ELOVL6: variants seen among roughly 807,000 people sequenced by gnomAD.
The protein encoded by ELOVL6 is ELOVL fatty acid elongase 6, also known as very long chain fatty acid elongase 6.
A neutral mutation model predicts 31.7 loss-of-function variants in ELOVL6; 8 were observed. The observed-to-expected ratio is 0.25, with a 90% CI of 0.15 to 0.45. The LOEUF is 0.45. Among genes scored for constraint, ELOVL6 ranks in the 20% least tolerant of loss-of-function variants. ELOVL6 has a pLI of 1.00. For missense variants in ELOVL6, 126 were observed against 326.4 expected (o/e 0.39, Z 4.73); for synonymous variants, 101 against 117.7 (o/e 0.86, Z 0.92).
intron 1 of ELOVL6, among the ~76,000 whole-genome samples, chr4:110,144,255 T>G (rs1041046361): frequency 2.0e-5 from 3 of 152,182 alleles, no homozygotes; most frequent in Admixed American, 2.0e-4. Context: ...GTTACCTGCA[T>G]TTGGATTCCA....
intron 2 of ELOVL6, among the ~76,000 whole-genome samples, chr4:110,067,815 A>T (rs1283835074): frequency 2.6e-5 from 4 of 152,252 alleles, no homozygotes; most frequent in Non-Finnish European, 4.4e-5. Flanking sequence ...ATTAATCAAC[A>T]TACCACTTTC....
chr4:110,188,679 G>C (rs951445684), intron 1 of ELOVL6, among the ~76,000 whole-genome samples: 2 of 151,948 alleles, frequency 1.3e-5, no homozygotes, highest in African/African-American at 4.8e-5. Context: ...CCTGAGGTTA[G>C]GAGTTCGAGA....
chr4:110,084,806 G>A (rs983583111), intron 2 of ELOVL6, among the ~76,000 whole-genome samples: 2 of 150,878 alleles, frequency 1.3e-5, no homozygotes, highest in African/African-American at 2.4e-5. Flanking sequence ...TGTTGGTCAC[G>A]CTGGTCTCGA....
chr4:110,176,019 A>T (rs1284206414), intron 1 of ELOVL6, among the ~76,000 whole-genome samples: 1 of 146,042 alleles, frequency 6.8e-6, no homozygotes, highest in African/African-American at 2.5e-5. Flanking sequence ...AGCTCTCCTC[A>T]TTGGCATAGT....
chr4:110,170,245 G>C (rs971235348), intron 1 of ELOVL6, among the ~76,000 whole-genome samples: 1 of 152,132 alleles, frequency 6.6e-6, no homozygotes, highest in Admixed American at 6.6e-5. Flanking sequence ...TCAGCATTTT[G>C]TGATATATTT....
Position 110,083,024 on chromosome 4 carries a change from T to A in ELOVL6, c.221+22473A>T, listed in dbSNP as rs1755925333. On this transcript the variant is annotated intron_variant, in intron 2 of 3. Coordinates refer to ENST00000302274, the MANE Select transcript of ELOVL6 (RefSeq NM_024090.3). ...GCAAAACAAGAGAACACAGGTATCCTTTTAGGGAATTCTGATTTAATTAGG... is the reference window on the plus strand; with the variant it reads ...GCAAAACAAGAGAACACAGGTATCCATTTAGGGAATTCTGATTTAATTAGG... Among the ~76,000 whole-genome samples the A allele has an allele frequency of 2.6e-5, 4 of 151,734 alleles. No individual in the cohort carries two copies. The South Asian group carries it at 8.3e-4, about 31-fold the overall frequency.
rs1560813634 is a variant in ELOVL6 at position 110,084,034 on chromosome 4, G to GT, written c.221+21462_221+21463insA. ...ATGGTATATAACATATGCCATATAT[G>GT]GTATATAACACATGCTATATATGAT... On this transcript the variant is annotated intron_variant, in intron 2 of 3. Transcript: ENST00000302274. Among the ~76,000 whole-genome samples the GT allele has an allele frequency of 3.5e-3, 32 of 9,212 alleles. 2 individuals are homozygous for GT. The highest frequency in any genetic ancestry group is 7.8e-3 in the East Asian group (2 of 258). 6.0% of individuals were successfully genotyped at this position (9,212 alleles called of 152,430 possible).
At chr4:110,105,738 TCCTGC>T in intron 1 of ELOVL6, 110 bp from the exon 2 acceptor site, 11 of 1,018,524 alleles carry the variant, frequency 1.1e-5, no homozygotes, top group Non-Finnish European at 1.6e-5. Flanking sequence ...TTGAGAATAT[TCCTGC>T]TTCACTGAAG....
chr4:110,183,931 G>A (rs906769605), intron 1 of ELOVL6, among the ~76,000 whole-genome samples: 1 of 152,110 alleles, frequency 6.6e-6, no homozygotes, highest in African/African-American at 2.4e-5. Context: ...GCAGTGAGCT[G>A]AGATCGTACC....
chr4:110,158,556 G>GAGAT (rs1758521897), intron 1 of ELOVL6, among the ~76,000 whole-genome samples: 1 of 133,502 alleles, frequency 7.5e-6, no homozygotes, highest in Non-Finnish European at 1.7e-5. Flanking sequence ...ATATTGGAGA[G>GAGAT]AGATATATAT....
intron 2 of ELOVL6, among the ~76,000 whole-genome samples, chr4:110,087,330 G>A (rs115156261): frequency 5.3e-4 from 81 of 152,136 alleles, no homozygotes; most frequent in African/African-American, 1.8e-3. Flanking sequence ...CTGTAATTTT[G>A]ATCAGACGCT....
rs1009480457 is a variant in ELOVL6 at position 110,198,085 on chromosome 4, C to A, written c.89+162G>T. The stretch of plus-strand genomic sequence containing the variant: ...CTCGCGCTTCATGTACCCCCCCCCC[C>A]CCAGCGTCTCCTGCACCCGGGAGAC... On this transcript the variant is annotated intron_variant, in intron 1 of 3. Transcript: ENST00000302274. 20 of 514,762 alleles carry A rather than the reference C, an allele frequency of 3.9e-5. 1 individual carries two copies. Among genetic ancestry groups the A allele is most frequent in the Middle Eastern group, 5.5e-4 (1 of 1,822 alleles). 31.9% of individuals were successfully genotyped at this position (514,762 alleles called of 1,614,324 possible).
At chr4:110,183,368 C>T (rs556705572) in intron 1 of ELOVL6, among the ~76,000 whole-genome samples, 7 of 152,262 alleles carry the variant, frequency 4.6e-5, no homozygotes, top group East Asian at 1.9e-4. Context: ...TCCTGCTTTC[C>T]GGGCAGAACC....
rs144324816 is a variant in ELOVL6, at chr4:110,067,711, A to G, written c.222-7957T>C. 2.0e-3 allele frequency among the ~76,000 whole-genome samples: 300 copies of G among 152,384 alleles called. 1 individual carries two copies. The highest frequency in any genetic ancestry group is 6.8e-3 in the African/African-American group (282 of 41,592). The stretch of plus-strand genomic sequence containing the variant: ...CAAGATGCACGATTAAGTGAAAAAC[A>G]TAAGGAGCAGGACAATATCTATGGT... On this transcript the variant is annotated intron_variant, in intron 2 of 3. Transcript: ENST00000302274.
chr4:110,168,957 C>CT (rs33915222), intron 1 of ELOVL6, among the ~76,000 whole-genome samples: 18,913 of 151,994 alleles, frequency 0.12, 1,280 homozygotes, highest in African/African-American at 0.15. Flanking sequence ...TCCAGTAAGT[C>CT]TTTTTTAAAT....
At chr4:110,178,971 C>T (rs1477034548) in intron 1 of ELOVL6, among the ~76,000 whole-genome samples, 1 of 152,138 alleles carries the variant, frequency 6.6e-6, no homozygotes, top group East Asian at 1.9e-4. Context: ...AAGTTACCTG[C>T]TCCAAGCCTA....
chr4:110,138,456 T>C (rs1426748431), intron 1 of ELOVL6, among the ~76,000 whole-genome samples: 1 of 152,124 alleles, frequency 6.6e-6, no homozygotes, highest in African/African-American at 2.4e-5. Context: ...AACAAATTAA[T>C]AGTAACACAC....
At chr4:110,112,501 C>A (rs536390333) in intron 1 of ELOVL6, among the ~76,000 whole-genome samples, 13 of 152,198 alleles carry the variant, frequency 8.5e-5, no homozygotes, top group African/African-American at 3.1e-4. Flanking sequence ...TAAAACTGAT[C>A]AGAAAAAATC....
intron 3 of ELOVL6, among the ~76,000 whole-genome samples, chr4:110,052,841 A>G (rs917261454): frequency 1.3e-5 from 2 of 152,196 alleles, no homozygotes; most frequent in African/African-American, 4.8e-5. Context: ...TCTCCTTCCT[A>G]TCTCTATGGT....
Sources: allele counts gnomAD v4.1 joint callset (sites outside exome capture counted in the v4.1 genomes callset), GRCh38; gene constraint gnomAD v4.1.1; transcripts MANE v1.5; gene names NCBI Gene and HGNC (gene_info 2026-07-23, HGNC 2026-07-21).